The following MRPS6 variants were observed in gnomAD, a reference collection of about 807,000 sequenced individuals.
MRPS6 encodes small ribosomal subunit protein bS6m.
Under a neutral mutation model 13.1 loss-of-function variants are expected in MRPS6, and 6 were observed. The observed-to-expected ratio is 0.46, with a 90% CI of 0.25 to 0.91. The LOEUF (loss-of-function observed/expected upper bound fraction) is 0.91. Ranked by LOEUF, MRPS6 falls within the 40% of genes least tolerant of loss-of-function variation. The probability of loss-of-function intolerance (pLI) is 0.18; values close to 1 mark genes in which losing one functional copy is unlikely to be tolerated. For missense variants in MRPS6, 164 were observed against 155.6 expected, an observed-to-expected ratio of 1.05 and a Z score of -0.29; for synonymous variants, 61 against 56.5, an observed-to-expected ratio of 1.08 and a Z score of -0.36.
In MRPS6 at chr21:34,097,262, A is replaced by G. The variant is rs773313197; in HGVS notation, c.45+23517A>G. The G allele has an allele frequency of 4.3e-6, 7 of 1,614,044 alleles. No individual in the cohort carries two copies. The East Asian group carries it at 1.3e-4, about 31-fold the overall frequency. On this transcript the variant is annotated intron_variant, in intron 1 of 2. Transcript: ENST00000399312. ...AGGAGGCTGTTTGTTTACAGATGCT[A>G]GAAGAGACTCGGCAAGTTAAAGTAA...
At position 34,079,192 on chromosome 21, in the gene MRPS6, G is replaced by GA. The variant is rs200832534; in HGVS notation, c.45+5454dup. On this transcript the variant is annotated intron_variant, in intron 1 of 2. Coordinates refer to ENST00000399312, the MANE Select transcript of MRPS6 (RefSeq NM_032476.4). ...AAGATTTTACAGTTGAATAGGTGGG[G>GA]AAAAAAACAGCAATACTTTATGGCA... is the stretch of plus-strand genomic sequence containing the variant. Among the ~76,000 whole-genome samples the GA allele has an allele frequency of 1.7e-4, 26 of 152,094 alleles. No individual in the cohort carries two copies. The East Asian group carries it at 4.1e-3, about 24-fold the overall frequency.
intron 1 of MRPS6, chr21:34,103,315 TAAAAAA>T: frequency 7.7e-6 from 7 of 911,356 alleles, no homozygotes; most frequent in Non-Finnish European, 9.2e-6. Flanking sequence ...GTGAAGGAAG[TAAAAAA>T]AAAAAAAAAA....
chr21:34,092,967 C>G (rs569664911), intron 1 of MRPS6, among the ~76,000 whole-genome samples: 1 of 152,118 alleles, frequency 6.6e-6, no homozygotes, highest in East Asian at 1.9e-4. Flanking sequence ...TTCATAACTG[C>G]GAACAGCAGT....
chr21:34,126,687 G>A (rs1980317438), intron 2 of MRPS6, among the ~76,000 whole-genome samples: 1 of 152,180 alleles, frequency 6.6e-6, no homozygotes, highest in Non-Finnish European at 1.5e-5. Flanking sequence ...TGAAAGAGGA[G>A]CATATAAAAA....
intron 2 of MRPS6, 114 bp from the exon 3 acceptor site, chr21:34,142,294 G>C: frequency 1.8e-6 from 2 of 1,140,270 alleles, no homozygotes; most frequent in Non-Finnish European, 2.4e-6. Flanking sequence ...GTGTATGTGT[G>C]TGTTTGTGTG....
chr21:34,095,167 C>A, intron 1 of MRPS6: 1 of 1,408,072 alleles, frequency 7.1e-7, no homozygotes, highest in Non-Finnish European at 9.2e-7. Flanking sequence ...ACACTTCTGT[C>A]ATTGGAGCGC....
chr21:34,135,744 C>T (rs574567052), intron 2 of MRPS6: 36 of 451,190 alleles, frequency 8.0e-5, no homozygotes, highest in Non-Finnish European at 1.4e-4. Flanking sequence ...CGCCTGTGAG[C>T]AGGTGGATGA....
chr21:34,116,212 G>GTA (rs1979898232), intron 1 of MRPS6, among the ~76,000 whole-genome samples: 1 of 145,814 alleles, frequency 6.9e-6, no homozygotes, highest in Non-Finnish European at 1.5e-5. Flanking sequence ...GTGTGTGTGT[G>GTA]TGTGTATGTG....
At chr21:34,097,362 G>A (rs1979013025) in intron 1 of MRPS6, 5 of 1,583,556 alleles carry the variant, frequency 3.2e-6, no homozygotes, top group Non-Finnish European at 4.3e-6. Context: ...ATGAACTTAA[G>A]GATATGGTGA....
chr21:34,100,968 C>T (rs1290751890), intron 1 of MRPS6: 1 of 999,948 alleles, frequency 1.0e-6, no homozygotes, highest in Non-Finnish European at 1.2e-6. Context: ...ATTCTCCTGG[C>T]TCATTTTCAT....
chr21:34,141,036 A>C (rs896449848), intron 2 of MRPS6, among the ~76,000 whole-genome samples: 1 of 152,216 alleles, frequency 6.6e-6, no homozygotes, highest in Non-Finnish European at 1.5e-5. Flanking sequence ...GAATTACACA[A>C]AATGCCATCC....
intron 1 of MRPS6, 113 bp downstream of exon 1, chr21:34,073,858 G>A: frequency 1.8e-6 from 1 of 553,756 alleles, no homozygotes; most frequent in Non-Finnish European, 2.4e-6. Context: ...TGCACTCCTC[G>A]GAGGAGGCCG....
intron 1 of MRPS6, 52 bp from the exon 2 acceptor site, chr21:34,125,288 AT>A: frequency 6.3e-7 from 1 of 1,596,668 alleles, no homozygotes; most frequent in Non-Finnish European, 8.5e-7. Flanking sequence ...TCTAGCTCTT[AT>A]ATTAATTCTG....
intron 1 of MRPS6, among the ~76,000 whole-genome samples, chr21:34,077,614 AAGAT>A (rs909985342): frequency 6.6e-6 from 1 of 151,228 alleles, no homozygotes; most frequent in Non-Finnish European, 1.5e-5. Context: ...AGGAATAAAG[AAGAT>A]AGCTATTTTG....
At chr21:34,080,219 G>A (rs1989428599) in intron 1 of MRPS6, among the ~76,000 whole-genome samples, 1 of 152,186 alleles carries the variant, frequency 6.6e-6, no homozygotes, top group African/African-American at 2.4e-5. Flanking sequence ...AGCATTAAGT[G>A]ATGGCTTTCT....
rs546378517 is a variant in MRPS6 at position 34,135,541 on chromosome 21, A to G, written c.186-6867A>G. The G allele has an allele frequency of 8.4e-4, 417 of 497,972 alleles. 5 individuals are homozygous for G. Among genetic ancestry groups the G allele is most frequent in the South Asian group, 6.1e-3 (409 of 66,634 alleles). 30.8% of individuals were successfully genotyped at this position (497,972 alleles called of 1,614,324 possible). ...GAGCTCATCTGCCAGGCACTCAGCA[A>G]TGGTCATGATCTCCCGGAGGGCACC... On this transcript the variant is annotated intron_variant, in intron 2 of 2. Transcript: ENST00000399312.
chr21:34,135,703 G>A (rs999683807), intron 2 of MRPS6: 10 of 394,582 alleles, frequency 2.5e-5, no homozygotes, highest in Admixed American at 6.3e-5. Flanking sequence ...ATTGATGATG[G>A]TGTTCACCAG....
At chr21:34,104,621 A>G in intron 1 of MRPS6, 3 of 1,000,234 alleles carry the variant, frequency 3.0e-6, no homozygotes, top group Non-Finnish European at 3.6e-6. Flanking sequence ...TGAGGGAGAG[A>G]TTATTCTTGC....
intron 2 of MRPS6, among the ~76,000 whole-genome samples, chr21:34,134,639 C>T (rs1268602369): frequency 2.0e-5 from 3 of 152,180 alleles, no homozygotes; most frequent in Non-Finnish European, 4.4e-5. Context: ...CCTCCTCCTC[C>T]TTCGATTCCT....
Sources: gnomAD v4.1 joint callset for allele counts (sites outside exome capture counted in the v4.1 genomes callset) on GRCh38, gnomAD v4.1.1 for gene constraint, MANE v1.5 for transcripts, NCBI Gene and HGNC (gene_info 2026-07-23, HGNC 2026-07-21) for gene names.